The following NIPAL4 variants were observed in gnomAD, a reference collection of about 807,000 sequenced individuals.
The protein encoded by NIPAL4 is magnesium transporter NIPA4.
A neutral mutation model predicts 31.6 loss-of-function variants in NIPAL4; 21 were observed. That is an observed-to-expected ratio of 0.67 (90% confidence interval 0.47 to 0.96). The LOEUF is 0.96. Among genes scored for constraint, NIPAL4 ranks in the 40% least tolerant of loss-of-function variants. The probability of loss-of-function intolerance (pLI) is 0.00; values close to 1 mark genes in which losing one functional copy is unlikely to be tolerated. For missense variants in NIPAL4, 438 were observed against 508.0 expected (o/e 0.86, Z 1.32); for synonymous variants, 175 against 211.1 (o/e 0.83, Z 1.48).
In NIPAL4 at chr5:157,472,571, A is replaced by G. The variant is rs749419637; in HGVS notation, c.826A>G (p.Ser276Gly). The change falls in exon 6 of 6, where the codon AGC becomes GGC. Residue 276 changes from serine (S) to glycine (G), a missense_variant. Transcript: ENST00000311946. ...GTCCCTCATCCTGGCACTGTCCCTC[A>G]GCACTCAGGTCAACTTCCTCAACAG... ...ILSLILALSL[S>G]TQVNFLNRAL... 6.2e-7 allele frequency: 1 copy of G among 1,613,870 alleles called. No homozygotes were observed. Among genetic ancestry groups the G allele is most frequent in the African/African-American group, 1.3e-5 (1 of 74,986 alleles).
intron 2 of NIPAL4, among the ~76,000 whole-genome samples, chr5:157,465,912 G>A (rs1754259869): frequency 1.3e-5 from 2 of 152,146 alleles, no homozygotes; most frequent in African/African-American, 4.8e-5. Context: ...AGGATCCCTT[G>A]AGCCCAGGAG....
At chr5:157,460,510 T>C in intron 1 of NIPAL4, 153 bp downstream of exon 1, 1 of 779,016 alleles carries the variant, frequency 1.3e-6, no homozygotes, top group Non-Finnish European at 2.2e-6. Context: ...GCTTTGAAGA[T>C]CTGGGTTCTG....
intron 3 of NIPAL4, among the ~76,000 whole-genome samples, chr5:157,468,239 C>T (rs907381216): frequency 3.9e-5 from 6 of 152,014 alleles, no homozygotes; most frequent in Non-Finnish European, 4.4e-5. Flanking sequence ...TTTCTAACCA[C>T]CTGCCTCTTA....
At chr5:157,463,427 A>G (rs548056709) in intron 2 of NIPAL4, 94 bp downstream of exon 2, 6 of 1,393,720 alleles carry the variant, frequency 4.3e-6, no homozygotes, top group Non-Finnish European at 9.5e-7. Context: ...TCAGCAAGGT[A>G]CAAAAGGCTC....
At chr5:157,472,145 C>CT (rs1754457827) in intron 5 of NIPAL4, among the ~76,000 whole-genome samples, 187 bp from the exon 6 acceptor site, 2 of 152,106 alleles carry the variant, frequency 1.3e-5, no homozygotes, top group Admixed American at 6.6e-5. Context: ...AATGGGGAAA[C>CT]TGAGTTTTTG....
Position 157,472,631 on chromosome 5 carries a change from C to T in NIPAL4, c.886C>T (p.Pro296Ser). 2.5e-6 allele frequency: 4 copies of T among 1,613,920 alleles called. No individual in the cohort carries two copies. The highest frequency in any genetic ancestry group is 1.3e-5 in the African/African-American group (1 of 75,012). ...CATTTTCAACACTTCCCTGGTGTTC[C>T]CCATCTACTACGTGTTCTTCACCAC... ...LDIFNTSLVF[P>S]IYYVFFTTVV... Residue 296 changes from proline (P) to serine (S), a missense_variant, in exon 6 of 6, where the codon CCC becomes TCC. Physicochemically the swap from Pro to Ser is moderately conservative, Grantham distance 74. Transcript: ENST00000311946.
At chr5:157,466,145 G>T (rs530956240) in intron 2 of NIPAL4, among the ~76,000 whole-genome samples, 1 of 152,262 alleles carries the variant, frequency 6.6e-6, no homozygotes, top group South Asian at 2.1e-4. Context: ...GTCAGGGATG[G>T]CATCGTAGGG....
Position 157,471,649 on chromosome 5 carries a change from A to G in NIPAL4, c.426-8A>G, listed in dbSNP as rs1202092758. ...GCTCTAATCCCCTTCTCCCATTTCC[A>G]CGTGCAGTGCCATCCTCTCCTCATA... On this transcript the variant is annotated splice_polypyrimidine_tract_variant and splice_region_variant and intron_variant, in intron 4 of 5. Coordinates refer to ENST00000311946, the MANE Select transcript of NIPAL4 (RefSeq NM_001099287.2). 1.3e-6 allele frequency: 2 copies of G among 1,596,766 alleles called. No individual in the cohort carries two copies. The highest frequency in any genetic ancestry group is 2.2e-5 in the East Asian group (1 of 44,498).
intron 3 of NIPAL4, 50 bp downstream of exon 3, chr5:157,467,155 T>C (rs779995469): frequency 9.5e-7 from 1 of 1,052,490 alleles, no homozygotes; most frequent in Non-Finnish European, 1.5e-6. Flanking sequence ...ATAGCAGGGC[T>C]GGAGACAAAG....
At chr5:157,471,957 T>C (rs1754452992) in intron 5 of NIPAL4, 140 bp downstream of exon 5, 1 of 681,768 alleles carries the variant, frequency 1.5e-6, no homozygotes, top group Non-Finnish European at 2.6e-6. Context: ...GAAATGTTAA[T>C]GGGCTGGTAC....
intron 1 of NIPAL4, chr5:157,460,678 GT>G: frequency 1.7e-6 from 1 of 578,594 alleles, no homozygotes; most frequent in East Asian, 3.9e-5. Flanking sequence ...AGGATTCTGT[GT>G]TTTTAATGTG....
At chr5:157,471,911 G>T in intron 5 of NIPAL4, 94 bp downstream of exon 5, 1 of 925,772 alleles carries the variant, frequency 1.1e-6, no homozygotes, top group Non-Finnish European at 1.7e-6. Flanking sequence ...GACCACCTCA[G>T]GTGCTGCCAC....
Position 157,460,364 on chromosome 5 carries a change from A to G in NIPAL4, c.37+7A>G, listed in dbSNP as rs918803448. ...AACACCAGCTGCGAGAACGGTGCGT[A>G]CGGCAGGGCTGGGGACCAGGCGGGC... On this transcript the variant is annotated splice_region_variant and intron_variant, in intron 1 of 5. Coordinates refer to ENST00000311946, the MANE Select transcript of NIPAL4 (RefSeq NM_001099287.2). 9.7e-6 allele frequency: 15 copies of G among 1,543,376 alleles called. No homozygotes were observed. Among genetic ancestry groups the G allele is most frequent in the Non-Finnish European group, 1.2e-5 (14 of 1,145,216 alleles).
intron 4 of NIPAL4, 125 bp from the exon 5 acceptor site, chr5:157,471,532 C>T: frequency 1.4e-6 from 1 of 721,636 alleles, no homozygotes; most frequent in East Asian, 2.8e-5. Flanking sequence ...AGAAAACCTT[C>T]CACGTGAGAA....
chr5:157,468,724 G>A lies in NIPAL4; in HGVS notation c.337G>A (p.Ala113Thr). Residue 113 changes from alanine (A) to threonine (T), a missense_variant and splice_region_variant, in exon 4 of 6, where the codon GCT becomes ACT. Ala to Thr is a moderately conservative substitution (Grantham distance 58). Transcript: ENST00000311946. Reference sequence around the variant, plus strand: ...TCTTTTCTCCCTTCGTTTCCTAGTGGCTGCTGGAGAAGTTGCCAACTTTGG... The same window carrying A: ...TCTTTTCTCCCTTCGTTTCCTAGTGACTGCTGGAGAAGTTGCCAACTTTGG... The part of the protein sequence containing the change: ...AMWWAGFLTM[A>T]AGEVANFGAY... 1 of 1,606,204 alleles carries A rather than the reference G, an allele frequency of 6.2e-7. No individual in the cohort carries two copies.
chr5:157,467,215 G>A, intron 3 of NIPAL4, 110 bp downstream of exon 3: 1 of 787,370 alleles, frequency 1.3e-6, no homozygotes, highest in East Asian at 2.7e-5. Flanking sequence ...GTGTGAATCT[G>A]AGGCCCAGAT....
At chr5:157,469,744 G>A (rs180840177) in intron 4 of NIPAL4, among the ~76,000 whole-genome samples, 43 of 152,266 alleles carry the variant, frequency 2.8e-4, no homozygotes, top group South Asian at 2.1e-4. Flanking sequence ...TTGGAACGCC[G>A]GTAAATTGTA....
At chr5:157,469,704 T>C (rs910421516) in intron 4 of NIPAL4, among the ~76,000 whole-genome samples, 10 of 152,214 alleles carry the variant, frequency 6.6e-5, no homozygotes, top group Non-Finnish European at 1.5e-4. Context: ...GGAGCCCTAT[T>C]TGAAGGAGAC....
Position 157,474,544 on chromosome 5 carries a change from C to G in NIPAL4, c.*1584C>G, listed in dbSNP as rs1182523523. 1.3e-5 allele frequency: 2 copies of G among 152,182 alleles called. No individual in the cohort carries two copies. The highest frequency in any genetic ancestry group is 1.5e-5 in the Non-Finnish European group (1 of 68,036). 9.4% of individuals were successfully genotyped at this position (152,182 alleles called of 1,614,324 possible). ...CCTTGGAACTCCAAGGTTTGGCTGA[C>G]CAGCAGACTGGCTCCCTGACTCTTC... On this transcript the variant is annotated 3_prime_UTR_variant, in exon 6 of 6. Coordinates refer to ENST00000311946, the MANE Select transcript of NIPAL4 (RefSeq NM_001099287.2).
Sources: gnomAD v4.1 joint callset for allele counts (sites outside exome capture counted in the v4.1 genomes callset) on GRCh38, gnomAD v4.1.1 for gene constraint, MANE v1.5 for transcripts, NCBI Gene and HGNC (gene_info 2026-07-23, HGNC 2026-07-21) for gene names.